Variants in RFWD3 observed in about 807,000 individuals in gnomAD.
RFWD3 encodes the protein ring finger and WD repeat domain 3, also known as E3 ubiquitin-protein ligase RFWD3.
Under a neutral mutation model 87.7 loss-of-function variants are expected in RFWD3, and 65 were observed. The observed-to-expected ratio is 0.74, with a 90% CI of 0.61 to 0.91. RFWD3 has a LOEUF of 0.91. Among genes scored for constraint, RFWD3 ranks in the 40% least tolerant of loss-of-function variants. The pLI is 0.00. For synonymous variants in RFWD3, 433 were observed against 352.8 expected, an observed-to-expected ratio of 1.23 and a Z score of -2.55; for missense variants, 1,078 against 938.5, an observed-to-expected ratio of 1.15 and a Z score of -1.94.
At chr16:74,629,386 T>C (rs182358109) in intron 10 of RFWD3, among the ~76,000 whole-genome samples, 5 of 152,362 alleles carry the variant, frequency 3.3e-5, no homozygotes, top group African/African-American at 4.8e-5. Context: ...TGGCTGGGCA[T>C]GGTGGCTCAC....
Position 74,622,881 on chromosome 16 carries a change from T to C in RFWD3, c.*1047A>G, listed in dbSNP as rs1958808764. On this transcript the variant is annotated 3_prime_UTR_variant, in exon 13 of 13. Coordinates refer to ENST00000361070, the MANE Select transcript of RFWD3 (RefSeq NM_018124.4). ...AGGCTTTAACTGGATAACTGGAATGTATAAAGAACACTTAAGAACAGCCCC... is the reference window on the plus strand; with the variant it reads ...AGGCTTTAACTGGATAACTGGAATGCATAAAGAACACTTAAGAACAGCCCC... 1 of 152,220 alleles carries C rather than the reference T, an allele frequency of 6.6e-6. No homozygotes were observed. Among genetic ancestry groups the C allele is most frequent in the Non-Finnish European group, 1.5e-5 (1 of 68,040 alleles). 9.4% of individuals were successfully genotyped at this position (152,220 alleles called of 1,614,324 possible). A position where few individuals can be genotyped will look rare whatever the true frequency, so the allele number is the denominator to read the frequency against.
chr16:74,635,716 A>G (rs976396208), intron 8 of RFWD3, among the ~76,000 whole-genome samples: 1 of 152,260 alleles, frequency 6.6e-6, no homozygotes, highest in Non-Finnish European at 1.5e-5. Context: ...TTATATAACC[A>G]TGCTAAAGCA....
Position 74,630,805 on chromosome 16 carries a change from T to C in RFWD3, c.1730A>G (p.Gln577Arg). 1 of 1,608,878 alleles carries C rather than the reference T, an allele frequency of 6.2e-7. No individual in the cohort carries two copies. The highest frequency in any genetic ancestry group is 8.5e-7 in the Non-Finnish European group (1 of 1,178,128). The change falls in exon 10 of 13, where the codon CAG becomes CGG. Residue 577 changes from glutamine (Q) to arginine (R), a missense_variant. Coordinates refer to ENST00000361070, the MANE Select transcript of RFWD3 (RefSeq NM_018124.4). Reference protein sequence around the residue: ...YDVRNTSSHVQELVAQKARCP... With the variant: ...YDVRNTSSHVRELVAQKARCP... ...CCTGGCTTTCTGAGCTACTAACTCCTGCACATGACTGCTCGTGTTTCGCAC... is the reference window on the plus strand; with the variant it reads ...CCTGGCTTTCTGAGCTACTAACTCCCGCACATGACTGCTCGTGTTTCGCAC...
chr16:74,660,844 TCA>T (rs1467750373), intron 2 of RFWD3, 86 bp downstream of exon 2: 49 of 1,461,906 alleles, frequency 3.4e-5, no homozygotes, highest in Non-Finnish European at 4.2e-5. Context: ...TTGCCAAAAG[TCA>T]CACTGTCAGT....
intron 10 of RFWD3, among the ~76,000 whole-genome samples, chr16:74,629,213 C>A (rs1959019680): frequency 6.6e-6 from 1 of 152,204 alleles, no homozygotes; most frequent in African/African-American, 2.4e-5. Context: ...GTGTTCCTAT[C>A]AACTCATTTC....
intron 3 of RFWD3, among the ~76,000 whole-genome samples, chr16:74,650,721 C>CA (rs2079468694): frequency 6.6e-6 from 1 of 151,938 alleles, no homozygotes; most frequent in Admixed American, 6.6e-5. Context: ...CCCACAGCTA[C>CA]AAAAAATTAG....
chr16:74,639,461 G>GT (rs1479162738), intron 6 of RFWD3, among the ~76,000 whole-genome samples: 1 of 152,200 alleles, frequency 6.6e-6, no homozygotes, highest in East Asian at 1.9e-4. Flanking sequence ...TATGCAGCAC[G>GT]TGACTGTAAA....
chr16:74,661,995 C>G (rs571343565), intron 1 of RFWD3, among the ~76,000 whole-genome samples: 7 of 152,114 alleles, frequency 4.6e-5, no homozygotes, highest in African/African-American at 1.4e-4. Flanking sequence ...TTATCCTATC[C>G]CTTTCATTAT....
chr16:74,641,377 G>A (rs933127775), intron 6 of RFWD3, among the ~76,000 whole-genome samples: 1 of 151,884 alleles, frequency 6.6e-6, no homozygotes, highest in African/African-American at 2.4e-5. Context: ...TGGCCAGGCT[G>A]GTCTCCAACT....
chr16:74,666,819 C>CCCGCCGTAGACTCGGTAGTTACCT lies in RFWD3; in HGVS notation c.-37_-36insAGGTAACTACCGAGTCTACGGCGG, dbSNP rs1555529873. 2.8e-5 allele frequency: 1 copy of CCCGCCGTAGACTCGGTAGTTACCT among 35,436 alleles called. No individual in the cohort carries two copies. Among genetic ancestry groups the CCCGCCGTAGACTCGGTAGTTACCT allele is most frequent in the African/African-American group, 2.2e-4 (1 of 4,618 alleles). The allele number at this position is 35,436 out of a possible 1,614,324, so 2.2% of individuals were successfully genotyped here. A position where few individuals can be genotyped will look rare whatever the true frequency, so the allele number is the denominator to read the frequency against. Reference sequence around the variant, plus strand: ...AGCAGGCCGCGGCCGGGCTCGCGAGCCCGCCGAAGACTCGGTAGTTACCTC... The same window carrying CCCGCCGTAGACTCGGTAGTTACCT: ...AGCAGGCCGCGGCCGGGCTCGCGAGCCCGCCGTAGACTCGGTAGTTACCTCCGCCGAAGACTCGGTAGTTACCTC... On this transcript the variant is annotated 5_prime_UTR_variant, in exon 1 of 13. Transcript: ENST00000361070.
chr16:74,663,654 A>G (rs1209181200), intron 1 of RFWD3, among the ~76,000 whole-genome samples: 1 of 152,210 alleles, frequency 6.6e-6, no homozygotes, highest in Non-Finnish European at 1.5e-5. Flanking sequence ...TTTTTTTAAG[A>G]AAGGATAAAT....
At chr16:74,624,489 G>A (rs912045716) in intron 12 of RFWD3, among the ~76,000 whole-genome samples, 6 of 152,170 alleles carry the variant, frequency 3.9e-5, no homozygotes, top group Non-Finnish European at 8.8e-5. Flanking sequence ...TCTGCCTCCT[G>A]GGTTCCAGCG....
At position 74,630,887 on chromosome 16, in the gene RFWD3, C is replaced by G; in HGVS notation, c.1648G>C (p.Asp550His). 6.2e-7 allele frequency: 1 copy of G among 1,614,028 alleles called. No individual in the cohort carries two copies. Among genetic ancestry groups the G allele is most frequent in the Non-Finnish European group, 8.5e-7 (1 of 1,179,942 alleles). Residue 550 changes from aspartate to histidine, a missense_variant, in exon 10 of 13, where the codon GAT (aspartate) becomes CAT (histidine). By Grantham distance (81) the Asp-to-His change is moderately conservative (BLOSUM62 -1). Transcript: ENST00000361070. ...CCAGCATAGATGTAGTTAGCCTCAT[C>G]AAGACACCAGCAACAGCTCCAGACA... ...RPVWSCCWCL[D>H]EANYIYAGLA...
In RFWD3 at chr16:74,628,514, C is replaced by G; in HGVS notation, c.1907G>C (p.Gly636Ala). 6.2e-7 allele frequency: 1 copy of G among 1,614,200 alleles called. No homozygotes were observed. The highest frequency in any genetic ancestry group is 1.1e-5 in the South Asian group (1 of 91,084). ...CTCTGTCTGAAAGTCTATGCAGCCC[C>G]CTGGCTCCAAGGGCAGCACATGAGG... ...HWPHVLPLEP[G>A]GCIDFQTENS... Residue 636 changes from glycine (G) to alanine (A), a missense_variant, in exon 11 of 13, where the codon GGG becomes GCG. Physicochemically the swap from Gly to Ala is moderately conservative, Grantham distance 60. Coordinates refer to ENST00000361070, the MANE Select transcript of RFWD3 (RefSeq NM_018124.4).
chr16:74,644,278 C>T (rs1385243715), intron 6 of RFWD3, 84 bp downstream of exon 6: 9 of 1,325,960 alleles, frequency 6.8e-6, no homozygotes, highest in African/African-American at 5.8e-5. Flanking sequence ...AACCTCACTA[C>T]GAGTGACTCA....
rs763875920 is a variant in RFWD3, at chr16:74,628,589, G to A, written c.1832C>T (p.Thr611Ile). 6.2e-7 allele frequency: 1 copy of A among 1,614,036 alleles called. No homozygotes were observed. Among genetic ancestry groups the A allele is most frequent in the Non-Finnish European group, 8.5e-7 (1 of 1,180,042 alleles). ...AFPYGGVLAGTLEDASFWEQK... is the reference protein window; with the variant it reads ...AFPYGGVLAGILEDASFWEQK... The stretch of plus-strand genomic sequence containing the variant: ...TTCCCAGAATGAAGCATCCTCCAAG[G>A]TTCCAGCCAGCACCCCACCATATGG... The change falls in exon 11 of 13, where the codon ACC becomes ATC. Residue 611 changes from threonine (T) to isoleucine (I), a missense_variant. Transcript: ENST00000361070.
In RFWD3 at chr16:74,661,293, G is replaced by A. The variant is rs1388887999; in HGVS notation, c.157C>T (p.Leu53Phe). 3 of 1,614,152 alleles carry A rather than the reference G, an allele frequency of 1.9e-6. No individual in the cohort carries two copies. The highest frequency in any genetic ancestry group is 2.2e-5 in the South Asian group (2 of 91,084). The change falls in exon 2 of 13, where the codon CTC becomes TTC. Residue 53 changes from leucine to phenylalanine, a missense_variant. Physicochemically the swap from Leu to Phe is conservative, Grantham distance 22. Coordinates refer to ENST00000361070, the MANE Select transcript of RFWD3 (RefSeq NM_018124.4). ...VVSSQGVPSI[L>F]QPAPAEVISS... ...ATCACCTCAGCAGGAGCTGGCTGGA[G>A]GATGGATGGTACCCCCTGGCTGCTG...
chr16:74,640,404 A>G (rs1307127638), intron 6 of RFWD3, among the ~76,000 whole-genome samples: 1 of 152,012 alleles, frequency 6.6e-6, no homozygotes, highest in African/African-American at 2.4e-5. Flanking sequence ...TCAGCCTCCC[A>G]AAGTGCTGGG....
In RFWD3 at chr16:74,641,028, G is replaced by C. The variant is rs144193063; in HGVS notation, c.1080-3058C>G. On this transcript the variant is annotated intron_variant, in intron 6 of 12. Transcript: ENST00000361070. ...AAAGTTTAAGTTAGAAAAGTAATTT[G>C]ACAATATTTAGGTAAAGCTGAAATT... Among the ~76,000 whole-genome samples, 397 of 152,136 alleles carry C rather than the reference G, an allele frequency of 2.6e-3. 5 individuals are homozygous for C. Among genetic ancestry groups the C allele is most frequent in the African/African-American group, 9.1e-3 (379 of 41,492 alleles).
Sources: gnomAD v4.1 joint callset for allele counts (sites outside exome capture counted in the v4.1 genomes callset) on GRCh38, gnomAD v4.1.1 for gene constraint, MANE v1.5 for transcripts, NCBI Gene and HGNC (gene_info 2026-07-23, HGNC 2026-07-21) for gene names.